The following ALOXE3 variants were observed in gnomAD, a reference collection of about 807,000 sequenced individuals.
ALOXE3 encodes hydroperoxide isomerase ALOXE3.
Under a neutral mutation model 87.5 loss-of-function variants are expected in ALOXE3, and 78 were observed. The ratio of observed to expected loss-of-function variants is 0.89; its 90% CI spans 0.74 to 1.08. The LOEUF (loss-of-function observed/expected upper bound fraction) is 1.08. Ranked by LOEUF, ALOXE3 falls within the 50% of genes least tolerant of loss-of-function variation. The pLI is 0.00. For synonymous variants in ALOXE3, 363 were observed against 370.8 expected, an observed-to-expected ratio of 0.98 and a Z score of 0.24; for missense variants, 946 against 912.4, an observed-to-expected ratio of 1.04 and a Z score of -0.47.
In ALOXE3 at chr17:8,096,759, C is replaced by G. The variant is rs576379012; in HGVS notation, c.2004G>C (p.Pro668=). 6.2e-7 allele frequency: 1 copy of G among 1,614,170 alleles called. No homozygotes were observed. Among genetic ancestry groups the G allele is most frequent in the Non-Finnish European group, 8.5e-7 (1 of 1,180,042 alleles). ...TCTGGAAGGCGGCGATGCTCCGCCT[C>G]GGGGCCTCCTCTGTGAAGTGCTCAT... is the stretch of plus-strand genomic sequence containing the variant. ...YPDEHFTEEA[P]RRSIAAFQSR... Residue 668 remains proline, a synonymous_variant, in exon 16 of 16, where the codon CCG becomes CCC. Coordinates refer to ENST00000448843, the MANE Select transcript of ALOXE3 (RefSeq NM_021628.3).
At chr17:8,118,872 C>T, upstream of ALOXE3, 1 of 1,517,498 alleles carries the variant, frequency 6.6e-7, no homozygotes, top group Non-Finnish European at 8.8e-7. Context: ...GGAGGAACCT[C>T]TCAGAGAAGC....
intron 15 of ALOXE3, among the ~76,000 whole-genome samples, chr17:8,100,479 C>T (rs1978855898): frequency 6.6e-6 from 1 of 152,086 alleles, no homozygotes; most frequent in South Asian, 2.1e-4. Flanking sequence ...CTAGCCCTGC[C>T]CAAATTTCTG....
chr17:8,108,507 C>T lies in ALOXE3; in HGVS notation c.1645G>A (p.Glu549Lys), dbSNP rs755241389. The T allele has an allele frequency of 1.9e-6, 3 of 1,613,552 alleles. No individual in the cohort carries two copies. The highest frequency in any genetic ancestry group is 2.2e-5 in the South Asian group (2 of 91,052). ...CCCAGGAACGCCTGAGCAAAAATCTCGCCAGTCCAGGCCTGCAGCTCCGAA... is the reference window on the plus strand; with the variant it reads ...CCCAGGAACGCCTGAGCAAAAATCTTGCCAGTCCAGGCCTGCAGCTCCGAA... Reference protein sequence around the residue: ...QDSELQAWTGEIFAQAFLGRE... With the variant: ...QDSELQAWTGKIFAQAFLGRE... Residue 549 changes from glutamate to lysine, a missense_variant, in exon 13 of 16, where the codon GAG becomes AAG. By Grantham distance (56) the Glu-to-Lys change is moderately conservative. Coordinates refer to ENST00000448843, the MANE Select transcript of ALOXE3 (RefSeq NM_021628.3).
chr17:8,115,470 T>C (rs897756481), intron 4 of ALOXE3, 137 bp downstream of exon 4: 3 of 861,026 alleles, frequency 3.5e-6, no homozygotes, highest in Admixed American at 2.0e-5. Flanking sequence ...ACTATTAAAG[T>C]GGGGTTAGGT....
At chr17:8,116,148 T>C (rs929152431) in intron 3 of ALOXE3, among the ~76,000 whole-genome samples, 6 of 152,188 alleles carry the variant, frequency 3.9e-5, no homozygotes, top group African/African-American at 1.4e-4. Flanking sequence ...TGGGGTAATA[T>C]TCATTTGCCT....
chr17:8,118,880 A>G, upstream of ALOXE3: 2 of 1,497,724 alleles, frequency 1.3e-6, no homozygotes, highest in Non-Finnish European at 1.8e-6. Flanking sequence ...CTCTCAGAGA[A>G]GCCCATAGCC....
At chr17:8,116,389 ATC>A (rs1289171338) in intron 3 of ALOXE3, among the ~76,000 whole-genome samples, 1 of 152,154 alleles carries the variant, frequency 6.6e-6, no homozygotes, top group Admixed American at 6.5e-5. Context: ...TCCAGCTAAA[ATC>A]TCTGAGCAGC....
upstream of ALOXE3, chr17:8,118,661 G>A (rs1460419738): frequency 6.5e-7 from 1 of 1,537,252 alleles, no homozygotes. Flanking sequence ...CCCCACGCAT[G>A]GCCCTCTTTG....
chr17:8,097,447 A>G (rs1403740323), intron 15 of ALOXE3, among the ~76,000 whole-genome samples: 1 of 152,174 alleles, frequency 6.6e-6, no homozygotes, highest in East Asian at 1.9e-4. Flanking sequence ...ACAAAATTCA[A>G]CTCCTAAAAA....
chr17:8,107,890 A>C (rs1166601975), intron 13 of ALOXE3, among the ~76,000 whole-genome samples: 1 of 5,704 alleles, frequency 1.8e-4, no homozygotes, highest in Admixed American at 1.6e-3. Flanking sequence ...AGAAAGAAAG[A>C]AAGAAAGAAA....
chr17:8,116,094 A>G (rs1000955603), intron 3 of ALOXE3, among the ~76,000 whole-genome samples: 1 of 152,226 alleles, frequency 6.6e-6, no homozygotes, highest in African/African-American at 2.4e-5. Flanking sequence ...GTGGAGATGG[A>G]TGAGAGTTTA....
intron 14 of ALOXE3, among the ~76,000 whole-genome samples, chr17:8,103,741 T>C (rs1979078640): frequency 6.6e-6 from 1 of 151,300 alleles, no homozygotes; most frequent in Non-Finnish European, 1.5e-5. Flanking sequence ...CGCCCAGTGT[T>C]CCAGGACTCG....
intron 15 of ALOXE3, among the ~76,000 whole-genome samples, chr17:8,100,932 T>A (rs1399460438): frequency 1.3e-5 from 2 of 152,192 alleles, no homozygotes; most frequent in Non-Finnish European, 2.9e-5. Flanking sequence ...TTGAACAAAT[T>A]GCTGAATCTC....
chr17:8,108,424 T>C (rs1331571872), intron 13 of ALOXE3, 44 bp downstream of exon 13: 3 of 1,607,034 alleles, frequency 1.9e-6, no homozygotes, highest in Admixed American at 1.7e-5. Flanking sequence ...AAGCAAGTGC[T>C]AGCTCATCAG....
intron 15 of ALOXE3, among the ~76,000 whole-genome samples, chr17:8,099,743 CCTTT>C (rs1978806661): frequency 6.6e-6 from 1 of 151,802 alleles, no homozygotes; most frequent in African/African-American, 2.4e-5. Context: ...ATTTATGTTC[CCTTT>C]CTTTCTCTTT....
chr17:8,104,783 G>C (rs1027578260), intron 13 of ALOXE3, among the ~76,000 whole-genome samples: 4 of 152,196 alleles, frequency 2.6e-5, no homozygotes, highest in Non-Finnish European at 5.9e-5. Flanking sequence ...GGGGCCTTGT[G>C]AGTTGAAAGA....
At chr17:8,118,852 T>C (rs578114679), upstream of ALOXE3, 41 of 1,533,360 alleles carry the variant, frequency 2.7e-5, no homozygotes, top group African/African-American at 4.3e-4. Flanking sequence ...TCTGGGCCAC[T>C]AGGGACTGGG....
chr17:8,097,552 T>C (rs1978623343), intron 15 of ALOXE3, among the ~76,000 whole-genome samples: 1 of 152,112 alleles, frequency 6.6e-6, no homozygotes, highest in Non-Finnish European at 1.5e-5. Context: ...TGCCACACTT[T>C]ACAGCACAGC....
intron 13 of ALOXE3, among the ~76,000 whole-genome samples, chr17:8,106,031 G>A (rs1421096356): frequency 6.6e-6 from 1 of 151,862 alleles, no homozygotes; most frequent in South Asian, 2.1e-4. Flanking sequence ...AGGGCCATGT[G>A]GTTTCTGGGC....
Sources: allele counts gnomAD v4.1 joint callset (sites outside exome capture counted in the v4.1 genomes callset), GRCh38; gene constraint gnomAD v4.1.1; transcripts MANE v1.5; gene names NCBI Gene and HGNC (gene_info 2026-07-23, HGNC 2026-07-21).